Variants in SORCS1 observed in about 807,000 individuals in gnomAD.
SORCS1 encodes the protein VPS10 domain-containing receptor SorCS1.
SORCS1 carries 60 observed loss-of-function variants against 146.1 expected under a neutral mutation model. The observed-to-expected ratio is 0.41, with a 90% confidence interval of 0.33 to 0.51. The LOEUF (loss-of-function observed/expected upper bound fraction) is 0.51, where lower values mean the gene tolerates loss of function less well. Ranked by LOEUF, SORCS1 falls within the 20% of genes least tolerant of loss-of-function variation. SORCS1 has a pLI of 0.21. For synonymous variants in SORCS1, 637 were observed against 584.0 expected (o/e 1.09, Z -1.31); for missense variants, 1,352 against 1,487.6 (o/e 0.91, Z 1.50).
At chr10:106,600,508 A>C in intron 23 of SORCS1, 3 of 985,048 alleles carry the variant, frequency 3.0e-6, no homozygotes, top group Non-Finnish European at 3.6e-6. Flanking sequence ...AACTGTTGAC[A>C]GATTTTGACA....
upstream of SORCS1, among the ~76,000 whole-genome samples, chr10:107,165,298 T>A (rs952700288): frequency 1.4e-5 from 2 of 147,448 alleles, no homozygotes; most frequent in Non-Finnish European, 3.1e-5. The surrounding 1 kb of genome is among the most constrained non-coding windows in gnomAD (Gnocchi z 4.0). Flanking sequence ...TGTGAGTGTG[T>A]GTGTGTGTGT....
intron 18 of SORCS1, among the ~76,000 whole-genome samples, chr10:106,634,456 A>G (rs148591123): frequency 6.6e-6 from 1 of 152,218 alleles, no homozygotes; most frequent in African/African-American, 2.4e-5. Context: ...TGGAGCACAG[A>G]GGGGTTAAGA....
Position 106,652,388 on chromosome 10 carries a change from T to G in SORCS1, c.2469A>C (p.Leu823Phe). The G allele has an allele frequency of 6.2e-7, 1 of 1,614,010 alleles. No individual in the cohort carries two copies. Among genetic ancestry groups the G allele is most frequent in the Non-Finnish European group, 8.5e-7 (1 of 1,179,844 alleles). The change falls in exon 18 of 26, where the codon TTA becomes TTC. Residue 823 changes from leucine to phenylalanine, a missense_variant. Around this residue, in one of 3 missense-constraint regions of SORCS1, gnomAD observed 648 missense variants for 793.8 expected, o/e 0.82. Coordinates refer to ENST00000263054, the MANE Select transcript of SORCS1 (RefSeq NM_052918.5). ...QGHNVTLMVQ[L>F]EEGDVQRTLI... ...AGATAGGAATCAGTCCTACCTCTTC[T>G]AATTGCACCATGAGAGTGACGTTGT...
At chr10:106,736,586 TCAAGA>T (rs1856960452) in intron 5 of SORCS1, among the ~76,000 whole-genome samples, 1 of 90,608 alleles carries the variant, frequency 1.1e-5, no homozygotes, top group East Asian at 3.8e-4. Context: ...AAAAACATCA[TCAAGA>T]TAACCCTGGT....
intron 18 of SORCS1, among the ~76,000 whole-genome samples, chr10:106,641,573 T>C (rs922136516): frequency 1.3e-5 from 2 of 152,164 alleles, no homozygotes; most frequent in African/African-American, 2.4e-5. Context: ...TTTCAAATGT[T>C]AAGAGTCTTT....
intron 22 of SORCS1, among the ~76,000 whole-genome samples, chr10:106,608,044 C>T (rs994254138): frequency 6.6e-6 from 1 of 152,152 alleles, no homozygotes; most frequent in Non-Finnish European, 1.5e-5. Flanking sequence ...GAGCTTATAC[C>T]CCAGGGTTTC....
intron 17 of SORCS1, among the ~76,000 whole-genome samples, chr10:106,657,959 A>G (rs1367808320): frequency 6.6e-6 from 1 of 152,124 alleles, no homozygotes; most frequent in African/African-American, 2.4e-5. Context: ...AAATATTAAA[A>G]TATAAAAAGT....
chr10:106,694,175 C>T (rs1853516360), intron 9 of SORCS1, among the ~76,000 whole-genome samples: 2 of 152,192 alleles, frequency 1.3e-5, no homozygotes, highest in African/African-American at 4.8e-5. Context: ...TTCTTTCCTT[C>T]TCTGTTGCCT....
chr10:106,853,520 C>T (rs191529446), intron 2 of SORCS1, among the ~76,000 whole-genome samples: 252 of 151,112 alleles, frequency 1.7e-3, no homozygotes, highest in African/African-American at 6.0e-3. Context: ...TTAATTTGCT[C>T]ATTTTTCCCT....
chr10:106,978,088 C>A (rs1230291922), intron 1 of SORCS1, among the ~76,000 whole-genome samples: 2 of 152,118 alleles, frequency 1.3e-5, no homozygotes, highest in Non-Finnish European at 2.9e-5. Context: ...GGATTATAGG[C>A]ACCCACCATC....
intron 1 of SORCS1, among the ~76,000 whole-genome samples, chr10:106,988,418 T>A (rs1956587131): frequency 6.6e-6 from 1 of 152,188 alleles, no homozygotes; most frequent in Non-Finnish European, 1.5e-5. Context: ...TTAGTTGGAA[T>A]TAGAGGGTTG....
chr10:106,678,081 C>G (rs951781157), intron 12 of SORCS1, among the ~76,000 whole-genome samples: 3 of 152,130 alleles, frequency 2.0e-5, no homozygotes, highest in African/African-American at 7.2e-5. Context: ...ATCTCTAGAT[C>G]CTTTCTGTAT....
In SORCS1 at chr10:106,998,238, T is replaced by C. The variant is rs575872580; in HGVS notation, c.559-41658A>G. On this transcript the variant is annotated intron_variant, in intron 1 of 25. Transcript: ENST00000263054. ...GTGTGTAACTATTCATGCAAAATAATAGCTACAAGAATAAGCTCGGCTTCT... is the reference window on the plus strand; with the variant it reads ...GTGTGTAACTATTCATGCAAAATAACAGCTACAAGAATAAGCTCGGCTTCT... Among the ~76,000 whole-genome samples, 5 of 152,340 alleles carry C rather than the reference T, an allele frequency of 3.3e-5. No individual in the cohort carries two copies. The South Asian group carries it at 8.3e-4, about 25-fold the overall frequency.
chr10:106,715,753 CTTCT>C (rs757873604), intron 6 of SORCS1, among the ~76,000 whole-genome samples: 1 of 152,030 alleles, frequency 6.6e-6, no homozygotes, highest in Non-Finnish European at 1.5e-5. Context: ...CCTGAGGCAG[CTTCT>C]TTCTTTTTCT....
At chr10:106,692,255 C>T (rs986925213) in intron 9 of SORCS1, among the ~76,000 whole-genome samples, 4 of 152,024 alleles carry the variant, frequency 2.6e-5, no homozygotes, top group Non-Finnish European at 5.9e-5. Context: ...TTGGTAGAGA[C>T]AGGGTTTTGT....
chr10:106,872,709 G>A (rs936034033), intron 2 of SORCS1, among the ~76,000 whole-genome samples: 1 of 152,120 alleles, frequency 6.6e-6, no homozygotes, highest in African/African-American at 2.4e-5. Flanking sequence ...ATAATAATTT[G>A]CTTCCAGGGA....
intron 5 of SORCS1, among the ~76,000 whole-genome samples, chr10:106,741,196 G>A (rs1454339160): frequency 1.3e-5 from 2 of 152,038 alleles, no homozygotes; most frequent in Non-Finnish European, 2.9e-5. Context: ...TACTAACCCA[G>A]GTCCTTAACT....
intron 1 of SORCS1, among the ~76,000 whole-genome samples, chr10:106,996,225 TAAAAAAAAAAAAAA>T (rs376245294): frequency 0.33 from 33,131 of 99,762 alleles, 4,524 homozygotes; most frequent in Middle Eastern, 0.48. Flanking sequence ...AGACTCCATC[TAAAAAAAAAAAAAA>T]AAAAAAAAAA....
chr10:107,137,732 C>T (rs1004762245), intron 1 of SORCS1, among the ~76,000 whole-genome samples: 1 of 152,024 alleles, frequency 6.6e-6, no homozygotes, highest in Non-Finnish European at 1.5e-5. Context: ...CCTGGTGGCA[C>T]ATGCCTGTAA....
Sources: gnomAD v4.1 joint callset for allele counts (sites outside exome capture counted in the v4.1 genomes callset) on GRCh38, gnomAD v4.1.1 for gene constraint, gnomAD v4.1.1 regional missense constraint, Gnocchi (gnomAD v3.1) non-coding constraint, MANE v1.5 for transcripts, NCBI Gene and HGNC (gene_info 2026-07-23, HGNC 2026-07-21) for gene names.